Variants in RBM26 observed in about 807,000 individuals in gnomAD.
RBM26 encodes RNA binding motif protein 26, also known as RNA-binding protein 26.
In RBM26, 30 loss-of-function variants were observed where a neutral mutation model predicts 123.6. The observed-to-expected ratio is 0.24, with a 90% CI of 0.18 to 0.33. The LOEUF (loss-of-function observed/expected upper bound fraction) is 0.33, where lower values mean the gene tolerates loss of function less well. Among genes scored for constraint, RBM26 ranks in the 10% least tolerant of loss-of-function variants. The pLI, the probability that RBM26 is intolerant of heterozygous loss-of-function variation, is 1.00. For synonymous variants in RBM26, 400 were observed against 404.4 expected (o/e 0.99, Z 0.13); for missense variants, 947 against 1,203.6 (o/e 0.79, Z 3.15).
downstream of RBM26, among the ~76,000 whole-genome samples, chr13:79,317,280 T>C (rs1188808088): frequency 1.3e-5 from 2 of 151,686 alleles, no homozygotes; most frequent in African/African-American, 4.8e-5. Context: ...TTGTTTCCAA[T>C]GATAAAATGA....
intron 14 of RBM26, among the ~76,000 whole-genome samples, chr13:79,346,658 G>A (rs915921914): frequency 6.6e-6 from 1 of 152,166 alleles, no homozygotes; most frequent in Non-Finnish European, 1.5e-5. Flanking sequence ...TTATAGGTGT[G>A]AGCCACCATA....
At chr13:79,357,565 A>C (rs2139620005) in intron 11 of RBM26, among the ~76,000 whole-genome samples, 1 of 152,292 alleles carries the variant, frequency 6.6e-6, no homozygotes, top group East Asian at 1.9e-4. Context: ...AAAGTGGTAA[A>C]GAAAAAGTAA....
At chr13:79,314,024 A>T (rs1428974454), downstream of RBM26, 1 of 151,808 alleles carries the variant, frequency 6.6e-6, no homozygotes, top group African/African-American at 2.4e-5. Flanking sequence ...TCTATGAAGG[A>T]ATACTCAGAA....
intron 8 of RBM26, 90 bp downstream of exon 8, chr13:79,365,965 G>T: frequency 8.0e-7 from 1 of 1,256,880 alleles, no homozygotes; most frequent in Non-Finnish European, 1.1e-6. Context: ...GAGAAAAGTA[G>T]TCCTCACAGA....
chr13:79,371,997 AG>A, intron 3 of RBM26, 67 bp from the exon 4 acceptor site: 1 of 1,136,344 alleles, frequency 8.8e-7, no homozygotes, highest in Non-Finnish European at 1.3e-6. Context: ...AGCCTTAGAT[AG>A]GGCTGGGCAC....
chr13:79,347,354 G>A (rs575664907), intron 14 of RBM26, among the ~76,000 whole-genome samples: 43 of 152,230 alleles, frequency 2.8e-4, no homozygotes, highest in African/African-American at 1.0e-3. Context: ...ACAGCCCAAC[G>A]TCAGAGGTGT....
chr13:79,398,324 T>G (rs1014439034), intron 1 of RBM26, among the ~76,000 whole-genome samples: 1 of 152,174 alleles, frequency 6.6e-6, no homozygotes, highest in African/African-American at 2.4e-5. Context: ...ACAGTCCCTA[T>G]CTCTCAGTTT....
At chr13:79,316,416 A>C (rs200906817), downstream of RBM26, among the ~76,000 whole-genome samples, 4 of 122 alleles carry the variant, frequency 0.033, no homozygotes, top group African/African-American at 0.036. Context: ...GAACCCTTAT[A>C]AGCCAACAGT....
chr13:79,330,576 G>A (rs189115838), intron 20 of RBM26, among the ~76,000 whole-genome samples: 13 of 152,072 alleles, frequency 8.5e-5, no homozygotes, highest in Admixed American at 2.6e-4. Context: ...GATAATTACC[G>A]AAAAGTAAAC....
At position 79,356,250 on chromosome 13, in the gene RBM26, T is replaced by G. The variant is rs575772611; in HGVS notation, c.1690-866A>C. Among the ~76,000 whole-genome samples, 42 of 151,790 alleles carry G rather than the reference T, an allele frequency of 2.8e-4. No individual in the cohort carries two copies. The South Asian group carries it at 8.8e-3, about 32-fold the overall frequency. ...CGGGTGTGGTGGCACACAACTGTGG[T>G]CCCAGCTACTCGGGACGCTGAGGCA... On this transcript the variant is annotated intron_variant, in intron 11 of 21. Transcript: ENST00000438737.
chr13:79,367,406 CAAAAAAAA>C lies in RBM26; in HGVS notation c.896-542_896-535del, dbSNP rs776345304. On this transcript the variant is annotated intron_variant, in intron 6 of 21. Coordinates refer to ENST00000438737, the MANE Select transcript of RBM26 (RefSeq NM_001366735.2). ...TGGGGTATAGGGGGAGACTCCATCT[CAAAAAAAA>C]AAAAAAAAAAAAAAAAAAGAAGAAG... Among the ~76,000 whole-genome samples the C allele has an allele frequency of 2.3e-3, 93 of 39,658 alleles. 2 individuals are homozygous for C. In the East Asian group the frequency reaches 0.025, roughly 11 times the overall value. The allele number at this position is 39,658 out of a possible 152,430, so 26.0% of individuals were successfully genotyped here.
At position 79,334,363 on chromosome 13, in the gene RBM26, G is replaced by T; in HGVS notation, c.2801C>A (p.Thr934Lys). The change falls in exon 20 of 22, where the codon ACA (threonine) becomes AAA (lysine). Residue 934 changes from threonine (T) to lysine (K), a missense_variant. Thr to Lys is a moderately conservative substitution (Grantham distance 78, BLOSUM62 -1). Around this residue, in one of 5 missense-constraint regions of RBM26, gnomAD observed 164 missense variants for 215.3 expected, o/e 0.76. Coordinates refer to ENST00000438737, the MANE Select transcript of RBM26 (RefSeq NM_001366735.2). ...ACTTACTGCTTCAGCTTCTGCTCTT[G>T]TCTTGAATGTAATTACTGCATGAAG... The part of the protein sequence containing the change: ...SSLHAVITFK[T>K]RAEAEAAAVH... 6.4e-7 allele frequency: 1 copy of T among 1,555,604 alleles called. No individual in the cohort carries two copies. Among genetic ancestry groups the T allele is most frequent in the Non-Finnish European group, 8.7e-7 (1 of 1,147,426 alleles).
intron 1 of RBM26, among the ~76,000 whole-genome samples, chr13:79,400,777 T>C (rs2078998038): frequency 6.6e-6 from 1 of 152,168 alleles, no homozygotes; most frequent in Non-Finnish European, 1.5e-5. Context: ...GCAAAAAATA[T>C]AAAACTTCAG....
intron 9 of RBM26, among the ~76,000 whole-genome samples, chr13:79,360,455 A>G (rs1447998906): frequency 6.6e-6 from 1 of 152,064 alleles, no homozygotes; most frequent in African/African-American, 2.4e-5. Flanking sequence ...ATAAAACCCA[A>G]GTCATTGTTC....
chr13:79,392,050 T>TATTATATAATTATATATTATACAATAC (rs1555343023), intron 1 of RBM26, among the ~76,000 whole-genome samples: 9 of 36,538 alleles, frequency 2.5e-4, no homozygotes, highest in South Asian at 7.6e-4. Flanking sequence ...TACAATACAT[T>TATTATATAATTATATATTATACAATAC]ATTATATAAT....
Position 79,365,717 on chromosome 13 carries a change from A to G in RBM26, c.1278T>C (p.Asp426=). The G allele has an allele frequency of 1.2e-6, 2 of 1,609,440 alleles. No individual in the cohort carries two copies. The highest frequency in any genetic ancestry group is 1.7e-6 in the Non-Finnish European group (2 of 1,178,730). Reference sequence around the variant, plus strand: ...GATTGTAGCCATCTGTGTCATATGTATCTGGTAATACAAAAACTGTAATTA... The same window carrying G: ...GATTGTAGCCATCTGTGTCATATGTGTCTGGTAATACAAAAACTGTAATTA... ...PPAPPSLFTA[D]TYDTDGYNPE... is the part of the protein sequence containing the mutation. The change falls in exon 9 of 22, where the codon GAT becomes GAC. Residue 426 remains aspartate, a splice_region_variant and synonymous_variant. Transcript: ENST00000438737.
At chr13:79,371,218 A>G in intron 4 of RBM26, 56 bp from the exon 5 acceptor site, 3 of 1,405,034 alleles carry the variant, frequency 2.1e-6, no homozygotes, top group East Asian at 4.6e-5. Context: ...CACAGGAAAA[A>G]GCTAATTAAA....
intron 2 of RBM26, among the ~76,000 whole-genome samples, chr13:79,378,283 T>A (rs1264456786): frequency 6.6e-6 from 1 of 152,218 alleles, no homozygotes; most frequent in African/African-American, 2.4e-5. Context: ...AATATCAACA[T>A]GCTTTAAGAA....
At chr13:79,351,413 A>G (rs953980026) in intron 14 of RBM26, among the ~76,000 whole-genome samples, 11 of 152,146 alleles carry the variant, frequency 7.2e-5, no homozygotes, top group Admixed American at 7.2e-4. Flanking sequence ...CTTTTTTCTG[A>G]AATACTTATT....
Sources: gnomAD v4.1 joint callset for allele counts (sites outside exome capture counted in the v4.1 genomes callset) on GRCh38, gnomAD v4.1.1 for gene constraint, gnomAD v4.1.1 regional missense constraint, MANE v1.5 for transcripts, NCBI Gene and HGNC (gene_info 2026-07-23, HGNC 2026-07-21) for gene names.